Variants in ABLIM2 observed in about 807,000 individuals in gnomAD.
ABLIM2 encodes the protein actin binding LIM protein family member 2.
In ABLIM2, 53 loss-of-function variants were observed where a neutral mutation model predicts 97.7. That is an observed-to-expected ratio of 0.54 (90% CI 0.44 to 0.68). The LOEUF is 0.68. Ranked by LOEUF, ABLIM2 falls within the 30% of genes least tolerant of loss-of-function variation. ABLIM2 has a pLI of 0.00. For synonymous variants in ABLIM2, 361 were observed against 345.8 expected (o/e 1.04, Z -0.49); for missense variants, 835 against 867.2 (o/e 0.96, Z 0.47).
chr4:8,084,320 G>C (rs371900062), intron 4 of ABLIM2, among the ~76,000 whole-genome samples: 1 of 152,228 alleles, frequency 6.6e-6, no homozygotes, highest in Non-Finnish European at 1.5e-5. Context: ...CCTCCCAGGC[G>C]CACCCAGGGG....
intron 14 of ABLIM2, among the ~76,000 whole-genome samples, chr4:8,014,853 C>A (rs191806329): frequency 6.6e-6 from 1 of 152,210 alleles, no homozygotes; most frequent in African/African-American, 2.4e-5. Context: ...CCCCAGCCAG[C>A]GCCTTTGCCT....
chr4:8,103,948 T>G (rs537847671), intron 2 of ABLIM2, among the ~76,000 whole-genome samples: 6 of 152,258 alleles, frequency 3.9e-5, no homozygotes, highest in Non-Finnish European at 7.3e-5. Context: ...GGATTTTGCT[T>G]TCCAGAAATG....
chr4:8,107,940 G>A (rs1340984494), intron 1 of ABLIM2, among the ~76,000 whole-genome samples: 2 of 152,186 alleles, frequency 1.3e-5, no homozygotes, highest in Admixed American at 1.3e-4. Context: ...GGCAGAGGAA[G>A]GGGCCACAAG....
intron 10 of ABLIM2, among the ~76,000 whole-genome samples, chr4:8,034,191 T>C: frequency 6.6e-6 from 1 of 152,128 alleles, no homozygotes; most frequent in Non-Finnish European, 1.5e-5. Context: ...CTGGTCCAGG[T>C]GCAGACCAGA....
Position 8,127,234 on chromosome 4 carries a change from G to A in ABLIM2, c.11-20597C>T, listed in dbSNP as rs751942536. Reference sequence around the variant, plus strand: ...GGTGCTGGAGTCCAGACGCAGCTCCGATACCAGCACCGTGTGAGGTTGGAT... The same window carrying A: ...GGTGCTGGAGTCCAGACGCAGCTCCAATACCAGCACCGTGTGAGGTTGGAT... On this transcript the variant is annotated intron_variant, in intron 1 of 20. Coordinates refer to ENST00000447017, the MANE Select transcript of ABLIM2 (RefSeq NM_001130083.2). The surrounding 1 kb of genome is among the most constrained non-coding windows in gnomAD (Gnocchi z 7.3). 3.9e-5 allele frequency among the ~76,000 whole-genome samples: 6 copies of A among 152,158 alleles called. No individual in the cohort carries two copies. The highest frequency in any genetic ancestry group is 7.4e-5 in the Non-Finnish European group (5 of 68,024).
At chr4:8,084,126 G>A (rs995236787) in intron 4 of ABLIM2, among the ~76,000 whole-genome samples, 3 of 152,210 alleles carry the variant, frequency 2.0e-5, no homozygotes, top group African/African-American at 7.2e-5. Context: ...ACTTGAGAGT[G>A]ATTGAAAATC....
At chr4:8,007,022 A>G in intron 16 of ABLIM2, 1 of 985,296 alleles carries the variant, frequency 1.0e-6, no homozygotes, top group Non-Finnish European at 1.2e-6. Context: ...CAAGCAACAC[A>G]CCTTTCTTTG....
At chr4:8,056,305 CTTTTTTTTTT>C (rs71175456) in intron 7 of ABLIM2, among the ~76,000 whole-genome samples, 1 of 128,186 alleles carries the variant, frequency 7.8e-6, no homozygotes, top group East Asian at 2.3e-4. Flanking sequence ...TTCTTTCTTT[CTTTTTTTTTT>C]TTTTTTTGAG....
intron 2 of ABLIM2, among the ~76,000 whole-genome samples, chr4:8,097,942 G>A (rs1832581363): frequency 6.6e-6 from 1 of 152,124 alleles, no homozygotes; most frequent in African/African-American, 2.4e-5. Context: ...ACACACACCC[G>A]GCCCAGGAAG....
At chr4:8,049,914 G>C (rs1044333985) in intron 8 of ABLIM2, among the ~76,000 whole-genome samples, 3 of 152,094 alleles carry the variant, frequency 2.0e-5, no homozygotes, top group East Asian at 1.9e-4. Flanking sequence ...TTTTGGTAGA[G>C]AGCGGGTTTC....
In ABLIM2 at chr4:8,029,701, G is replaced by A. The variant is rs1184643633; in HGVS notation, c.1123C>T (p.Arg375Cys). 7 of 1,550,962 alleles carry A rather than the reference G, an allele frequency of 4.5e-6. No individual in the cohort carries two copies. The highest frequency in any genetic ancestry group is 6.1e-6 in the Non-Finnish European group (7 of 1,147,226). Residue 375 changes from arginine (R) to cysteine (C), a missense_variant, in exon 11 of 21, where the codon CGC becomes TGC. Arg to Cys is a radical substitution (Grantham distance 180, BLOSUM62 -3). Transcript: ENST00000447017. ...GGTGACCGTGAGGTCGGAGTGTAGC[G>A]CCCGAGGCTAACCGACCCAGTGGAG... ...PSSTGSVSLG[R>C]YTPTSRSPQH...
intron 1 of ABLIM2, among the ~76,000 whole-genome samples, chr4:8,146,476 T>C (rs1410070320): frequency 6.6e-6 from 1 of 152,262 alleles, no homozygotes; most frequent in Non-Finnish European, 1.5e-5. Context: ...GCTCTTATGT[T>C]AGCGTGCAGA....
At chr4:8,037,452 G>A (rs1318027656) in intron 9 of ABLIM2, among the ~76,000 whole-genome samples, 1 of 151,432 alleles carries the variant, frequency 6.6e-6, no homozygotes, top group Non-Finnish European at 1.5e-5. Flanking sequence ...TCACATCCTG[G>A]CCCACTCCCA....
Position 8,029,768 on chromosome 4 carries a change from C to G in ABLIM2, c.1056G>C (p.Gln352His). 1 of 1,569,944 alleles carries G rather than the reference C, an allele frequency of 6.4e-7. No individual in the cohort carries two copies. Among genetic ancestry groups the G allele is most frequent in the Non-Finnish European group, 8.6e-7 (1 of 1,157,880 alleles). Residue 352 changes from glutamine to histidine, a missense_variant, in exon 11 of 21, where the codon CAG becomes CAC. By Grantham distance (24) the Gln-to-His change is conservative. Coordinates refer to ENST00000447017, the MANE Select transcript of ABLIM2 (RefSeq NM_001130083.2). ...GACACTGCTTGTAGGACCGGTCATCCTGATCCCCCTGGGAGGGAAGATGCA... is the reference window on the plus strand; with the variant it reads ...GACACTGCTTGTAGGACCGGTCATCGTGATCCCCCTGGGAGGGAAGATGCA... ...GDRQSYGEGD[Q>H]DDRSYKQCRT...
At chr4:8,035,630 A>C (rs1298870000) in intron 10 of ABLIM2, among the ~76,000 whole-genome samples, 1 of 152,096 alleles carries the variant, frequency 6.6e-6, no homozygotes, top group Non-Finnish European at 1.5e-5. Flanking sequence ...TGAATAAGAA[A>C]CCTCTGAGGA....
intron 6 of ABLIM2, among the ~76,000 whole-genome samples, chr4:8,062,164 C>T (rs1335168181): frequency 6.6e-6 from 1 of 152,236 alleles, no homozygotes; most frequent in Non-Finnish European, 1.5e-5. Context: ...CCACCTGCCA[C>T]CTCCACTCGG....
chr4:8,123,194 G>A lies in ABLIM2; in HGVS notation c.11-16557C>T, dbSNP rs1466213602. ...TCAGAGCATTCTTCCCTGGCAGCTG[G>A]TGCCCCTTACTTGGGGTCTCTAATC... On this transcript the variant is annotated intron_variant, in intron 1 of 20. Transcript: ENST00000447017. This position sits in a 1 kb window ranked among gnomAD's most constrained non-coding sequence, Gnocchi z 6.2. Among the ~76,000 whole-genome samples the A allele has an allele frequency of 1.3e-5, 2 of 152,154 alleles. No homozygotes were observed. Among genetic ancestry groups the A allele is most frequent in the African/African-American group, 2.4e-5 (1 of 41,428 alleles).
At chr4:7,977,917 A>G (rs1734855628) in intron 20 of ABLIM2, among the ~76,000 whole-genome samples, 1 of 152,166 alleles carries the variant, frequency 6.6e-6, no homozygotes, top group South Asian at 2.1e-4. Flanking sequence ...GATATACAGT[A>G]TGAGCCCTCT....
intron 1 of ABLIM2, among the ~76,000 whole-genome samples, chr4:8,129,272 C>T (rs974233483): frequency 1.3e-5 from 2 of 152,206 alleles, no homozygotes; most frequent in South Asian, 4.1e-4. Flanking sequence ...GTATGCCCCG[C>T]CCCCTCTGTG....
Sources: allele counts gnomAD v4.1 joint callset (sites outside exome capture counted in the v4.1 genomes callset), GRCh38; gene constraint gnomAD v4.1.1; non-coding constraint Gnocchi (gnomAD v3.1); transcripts MANE v1.5; gene names NCBI Gene and HGNC (gene_info 2026-07-23, HGNC 2026-07-21).